The following SAMD12 variants were observed in gnomAD, a reference collection of about 807,000 sequenced individuals.
SAMD12 encodes sterile alpha motif domain containing 12.
SAMD12 carries 9 observed loss-of-function variants against 15.0 expected under a neutral mutation model. The ratio of observed to expected loss-of-function variants is 0.60; its 90% CI spans 0.36 to 1.05. The LOEUF is 1.05. Among genes scored for constraint, SAMD12 ranks in the 50% least tolerant of loss-of-function variants. The pLI, the probability that SAMD12 is intolerant of heterozygous loss-of-function variation, is 0.01. For missense variants in SAMD12, 230 were observed against 234.2 expected (o/e 0.98, Z 0.12); for synonymous variants, 86 against 90.1 (o/e 0.96, Z 0.25).
chr8:118,543,631 C>CTTTTTTTTTTTT lies in SAMD12; in HGVS notation c.192+37072_192+37083dup, dbSNP rs397978436. Among the ~76,000 whole-genome samples the CTTTTTTTTTTTT allele has an allele frequency of 3.6e-4, 42 of 116,614 alleles. 1 individual carries two copies. The highest frequency in any genetic ancestry group is 1.4e-3 in the African/African-American group (39 of 27,540). 76.5% of individuals were successfully genotyped at this position (116,614 alleles called of 152,430 possible). A position where few individuals can be genotyped will look rare whatever the true frequency, so the allele number is the denominator to read the frequency against. ...TTTTTTTTCTTTTCTTTCTTTCTTT[C>CTTTTTTTTTTTT]TTTTTTTTTTTTTTTTTAGCTCACC... On this transcript the variant is annotated intron_variant, in intron 2 of 3. Coordinates refer to ENST00000314727, the MANE Select transcript of SAMD12 (RefSeq NM_207506.3).
intron 4 of SAMD12, among the ~76,000 whole-genome samples, chr8:118,339,553 G>A (rs568890530): frequency 5.9e-5 from 9 of 152,302 alleles, no homozygotes; most frequent in South Asian, 2.1e-4. Flanking sequence ...TTTGGCTGCC[G>A]CCGCAGCTCT....
At chr8:118,614,959 C>T (rs781448082) in intron 1 of SAMD12, among the ~76,000 whole-genome samples, 4 of 152,174 alleles carry the variant, frequency 2.6e-5, no homozygotes, top group African/African-American at 7.2e-5. Flanking sequence ...CAGCTTTCCA[C>T]GCTTGCTCTT....
exon 5 of SAMD12, chr8:118,193,393 A>G (rs1347041078): frequency 6.6e-6 from 1 of 152,218 alleles, no homozygotes; most frequent in Non-Finnish European, 1.5e-5. Flanking sequence ...GGTGCCAGGA[A>G]TCATGTGCGT....
rs907528262 is a variant in SAMD12 at position 118,580,950 on chromosome 8, T to C, written c.14-57A>G. On this transcript the variant is annotated intron_variant, in intron 1 of 3. Coordinates refer to ENST00000314727, the MANE Select transcript of SAMD12 (RefSeq NM_207506.3). ...ACAAACCACATAAAGAAGGTGTCCA[T>C]GACAGAAAATATTCATCAAGCCTAA... is the stretch of plus-strand genomic sequence containing the variant. The C allele has an allele frequency of 7.3e-6, 10 of 1,374,784 alleles. No homozygotes were observed. The African/African-American group carries it at 1.3e-4, about 18-fold the overall frequency. The allele number at this position is 1,374,784 out of a possible 1,614,324, so 85.2% of individuals were successfully genotyped here.
chr8:118,467,461 C>T (rs1823627532), intron 2 of SAMD12, among the ~76,000 whole-genome samples: 1 of 152,252 alleles, frequency 6.6e-6, no homozygotes. Flanking sequence ...ATTTCAAAAG[C>T]TGTGCTACCT....
chr8:118,385,813 T>C (rs943920080), intron 3 of SAMD12, among the ~76,000 whole-genome samples: 1 of 152,170 alleles, frequency 6.6e-6, no homozygotes, highest in Non-Finnish European at 1.5e-5. Flanking sequence ...TCAAGACTAC[T>C]AAATTACTTA....
chr8:118,237,674 C>T (rs768732722), intron 4 of SAMD12, among the ~76,000 whole-genome samples: 17 of 152,140 alleles, frequency 1.1e-4, no homozygotes, highest in Non-Finnish European at 2.2e-4. Context: ...TTAGCTCAGG[C>T]TTTCTAATCT....
chr8:118,522,931 T>G (rs1209333156), intron 2 of SAMD12, among the ~76,000 whole-genome samples: 2 of 152,186 alleles, frequency 1.3e-5, no homozygotes, highest in African/African-American at 2.4e-5. Flanking sequence ...TTTAGATCTC[T>G]CTACTTAATA....
rs1824490248 is a variant in SAMD12 at position 118,492,871 on chromosome 8, G to A, written c.193-52910C>T. Among the ~76,000 whole-genome samples, 3 of 152,076 alleles carry A rather than the reference G, an allele frequency of 2.0e-5. No homozygotes were observed. In the South Asian group the frequency reaches 6.2e-4, roughly 31 times the overall value. ...ACTTATAAAAATTACTTCCCTTAAT[G>A]TATTAAAAGCCAGAAAAAGTGATGT... On this transcript the variant is annotated intron_variant, in intron 2 of 3. Coordinates refer to ENST00000314727, the MANE Select transcript of SAMD12 (RefSeq NM_207506.3).
At chr8:118,313,084 A>G (rs1025546507) in intron 4 of SAMD12, among the ~76,000 whole-genome samples, 3 of 152,182 alleles carry the variant, frequency 2.0e-5, no homozygotes, top group African/African-American at 7.2e-5. Context: ...CCCTCCATCA[A>G]GAGCCACTGG....
At chr8:118,218,778 A>G (rs549615573) in intron 4 of SAMD12, among the ~76,000 whole-genome samples, 3 of 152,156 alleles carry the variant, frequency 2.0e-5, no homozygotes, top group Non-Finnish European at 4.4e-5. Flanking sequence ...CCATTGGTAG[A>G]CACTTAGCTT....
the SAMD12 span, among the ~76,000 whole-genome samples, chr8:118,148,099 T>C: frequency 6.6e-6 from 1 of 152,026 alleles, no homozygotes; most frequent in Non-Finnish European, 1.5e-5. Flanking sequence ...GGCTAATTTT[T>C]GTATTTTTTT....
At chr8:118,425,969 C>T (rs146207098) in intron 3 of SAMD12, among the ~76,000 whole-genome samples, 2 of 152,086 alleles carry the variant, frequency 1.3e-5, no homozygotes. Flanking sequence ...TGCCCCTGTA[C>T]AAATCAGTTT....
At chr8:118,548,047 C>T (rs1826182145) in intron 2 of SAMD12, among the ~76,000 whole-genome samples, 1 of 152,068 alleles carries the variant, frequency 6.6e-6, no homozygotes, top group Non-Finnish European at 1.5e-5. Context: ...AAGGAAACCA[C>T]AGCCCAGGAG....
At chr8:118,314,544 C>A (rs1384152881) in intron 4 of SAMD12, among the ~76,000 whole-genome samples, 1 of 152,182 alleles carries the variant, frequency 6.6e-6, no homozygotes, top group Non-Finnish European at 1.5e-5. Flanking sequence ...CCACATCCAT[C>A]CCTCACTCAC....
At chr8:118,353,595 T>A (rs1369923720) in intron 4 of SAMD12, among the ~76,000 whole-genome samples, 1 of 152,166 alleles carries the variant, frequency 6.6e-6, no homozygotes, top group African/African-American at 2.4e-5. Flanking sequence ...GAAATAGATT[T>A]CTGTGGTTTA....
At chr8:118,587,134 C>G (rs981962084) in intron 1 of SAMD12, among the ~76,000 whole-genome samples, 1 of 152,148 alleles carries the variant, frequency 6.6e-6, no homozygotes, top group African/African-American at 2.4e-5. Flanking sequence ...CAAATATACT[C>G]CAATCCCCAC....
chr8:118,451,914 A>C (rs6983077), intron 2 of SAMD12, among the ~76,000 whole-genome samples: 3,651 of 152,260 alleles, frequency 0.024, 129 homozygotes, highest in African/African-American at 0.083. Context: ...GCTGGTATGG[A>C]CTGAATATCT....
intron 4 of SAMD12, among the ~76,000 whole-genome samples, chr8:118,245,552 G>C (rs190768409): frequency 1.1e-3 from 166 of 152,224 alleles, no homozygotes; most frequent in African/African-American, 3.8e-3. Flanking sequence ...AATCATTTGG[G>C]CAACATTTCA....
Sources: gnomAD v4.1 joint callset for allele counts (sites outside exome capture counted in the v4.1 genomes callset) on GRCh38, gnomAD v4.1.1 for gene constraint, MANE v1.5 for transcripts, NCBI Gene and HGNC (gene_info 2026-07-23, HGNC 2026-07-21) for gene names.